NRCAM: variants seen among roughly 807,000 people sequenced by gnomAD.
NRCAM encodes NgCAM-related cell adhesion molecule.
A neutral mutation model predicts 156.5 loss-of-function variants in NRCAM; 83 were observed. The ratio of observed to expected loss-of-function variants is 0.53; its 90% CI spans 0.44 to 0.64. NRCAM has a LOEUF of 0.64. NRCAM is among the 30% of genes least tolerant of loss of function. The pLI is 0.00. For missense variants in NRCAM, 1,417 were observed against 1,597.3 expected, an observed-to-expected ratio of 0.89 and a Z score of 1.92; for synonymous variants, 538 against 563.9, an observed-to-expected ratio of 0.95 and a Z score of 0.65.
chr7:108,168,139 T>C lies in NRCAM; in HGVS notation c.3313+138A>G, dbSNP rs962172815. 2.1e-5 allele frequency: 19 copies of C among 925,690 alleles called. No individual in the cohort carries two copies. The African/African-American group carries it at 2.4e-4, about 12-fold the overall frequency. The allele number at this position is 925,690 out of a possible 1,614,324, so 57.3% of individuals were successfully genotyped here. A position where few individuals can be genotyped will look rare whatever the true frequency, so the allele number is the denominator to read the frequency against. On this transcript the variant is annotated intron_variant, in intron 29 of 32. Coordinates refer to ENST00000379028, the MANE Select transcript of NRCAM (RefSeq NM_001037132.4). The stretch of plus-strand genomic sequence containing the variant: ...GTGGTAGGCTGATGGTTCACTATAA[T>C]TTTTTTAGATAACTCATTCATTTAA...
chr7:108,207,677 A>G lies in NRCAM; in HGVS notation c.1076-18T>C. 3.8e-6 allele frequency: 6 copies of G among 1,581,682 alleles called. No homozygotes were observed. Among genetic ancestry groups the G allele is most frequent in the Non-Finnish European group, 5.1e-6 (6 of 1,167,780 alleles). On this transcript the variant is annotated intron_variant, in intron 12 of 32. Coordinates refer to ENST00000379028, the MANE Select transcript of NRCAM (RefSeq NM_001037132.4). ...TGGAGCCGCTTTATAGGAGGAAGAA[A>G]AAAGACCAAAAATCTGAATCAAATA...
At chr7:108,251,277 T>C (rs1041044766) in intron 3 of NRCAM, among the ~76,000 whole-genome samples, 9 of 152,238 alleles carry the variant, frequency 5.9e-5, no homozygotes, top group Non-Finnish European at 1.0e-4. Flanking sequence ...TTCCAAGTTA[T>C]GTTGTGTTTA....
Position 108,288,154 on chromosome 7 carries a change from CAT to C in NRCAM, c.-107+24509_-107+24510del, listed in dbSNP as rs532308935. The stretch of plus-strand genomic sequence containing the variant: ...ACTGAAAACAGAAAGTCAAACACCA[CAT>C]GTTCTTACTTTCAAGTAGGAGCTAA... On this transcript the variant is annotated intron_variant, in intron 3 of 32. Transcript: ENST00000379028. Among the ~76,000 whole-genome samples, 26 of 152,216 alleles carry C rather than the reference CAT, an allele frequency of 1.7e-4. No homozygotes were observed. In the East Asian group the frequency reaches 5.0e-3, roughly 29 times the overall value.
Position 108,160,374 on chromosome 7 carries a change from A to C in NRCAM, c.3585T>G (p.Gly1195=). 6.2e-7 allele frequency: 1 copy of C among 1,613,190 alleles called. No individual in the cohort carries two copies. The highest frequency in any genetic ancestry group is 8.5e-7 in the Non-Finnish European group (1 of 1,179,412). Residue 1195 remains glycine (G), a synonymous_variant, in exon 31 of 33, where the codon GGT becomes GGG. Coordinates refer to ENST00000379028, the MANE Select transcript of NRCAM (RefSeq NM_001037132.4). ...TTTCTTTCTTACCTGGATATTTACC[A>C]CCCTTGTTTCTTCTGATGAAGCAAA... The part of the protein sequence containing the change: ...LIVCFIRRNK[G]GKYPVKEKED...
chr7:108,347,565 T>A (rs1331117539), intron 2 of NRCAM, among the ~76,000 whole-genome samples: 1 of 152,132 alleles, frequency 6.6e-6, no homozygotes, highest in Non-Finnish European at 1.5e-5. Context: ...ATGAGAACCA[T>A]CCCCTGAGGA....
At chr7:108,301,071 A>G (rs1446704621) in intron 3 of NRCAM, among the ~76,000 whole-genome samples, 1 of 152,228 alleles carries the variant, frequency 6.6e-6, no homozygotes, top group African/African-American at 2.4e-5. Flanking sequence ...ATTATGTAAT[A>G]CCAAAAAACA....
chr7:108,432,763 G>T (rs867932676), intron 1 of NRCAM, among the ~76,000 whole-genome samples: 2 of 152,094 alleles, frequency 1.3e-5, no homozygotes, highest in Non-Finnish European at 2.9e-5. Context: ...TCAGCCAAGT[G>T]TGGTGGTACG....
At chr7:108,176,939 A>G (rs770231406) in intron 26 of NRCAM, among the ~76,000 whole-genome samples, 147 of 152,126 alleles carry the variant, frequency 9.7e-4, no homozygotes, top group Non-Finnish European at 1.1e-3. Flanking sequence ...AATAACCCCA[A>G]ACATTTTTCT....
intron 13 of NRCAM, among the ~76,000 whole-genome samples, chr7:108,198,551 A>C: frequency 6.6e-6 from 1 of 152,178 alleles, no homozygotes; most frequent in East Asian, 1.9e-4. Context: ...TTACAAATTC[A>C]GGAAAACATT....
intron 3 of NRCAM, among the ~76,000 whole-genome samples, chr7:108,240,761 T>C (rs6970096): frequency 0.4 from 61,305 of 151,928 alleles, 13,342 homozygotes; most frequent in African/African-American, 0.56. Flanking sequence ...ACAAGGCCTT[T>C]TCTGGTTAAA....
At chr7:108,343,541 G>A (rs113786634) in intron 2 of NRCAM, among the ~76,000 whole-genome samples, 6 of 152,288 alleles carry the variant, frequency 3.9e-5, no homozygotes, top group African/African-American at 1.4e-4. Context: ...CCCCTAGTAT[G>A]TGGTAATCCC....
intron 29 of NRCAM, among the ~76,000 whole-genome samples, chr7:108,167,545 C>T (rs12531903): frequency 0.2 from 30,782 of 152,082 alleles, 5,946 homozygotes; most frequent in African/African-American, 0.51. Context: ...TCCCAAGTAC[C>T]GGTTTTTCTA....
chr7:108,433,775 C>A (rs1828714822), intron 1 of NRCAM, among the ~76,000 whole-genome samples: 1 of 152,194 alleles, frequency 6.6e-6, no homozygotes, highest in African/African-American at 2.4e-5. Flanking sequence ...CAGCACCAAG[C>A]TTCTTGTATA....
chr7:108,284,969 C>A (rs775830077), intron 3 of NRCAM, among the ~76,000 whole-genome samples: 8 of 152,208 alleles, frequency 5.3e-5, no homozygotes, highest in Non-Finnish European at 1.0e-4. Flanking sequence ...TTCACCTACT[C>A]CTTGAATGAC....
intron 2 of NRCAM, among the ~76,000 whole-genome samples, chr7:108,394,156 G>A (rs548258191): frequency 6.6e-6 from 1 of 152,300 alleles, no homozygotes; most frequent in South Asian, 2.1e-4. Flanking sequence ...ATAATCTTGG[G>A]TGAGGCAGCT....
At chr7:108,363,677 C>A (rs191616657) in intron 2 of NRCAM, among the ~76,000 whole-genome samples, 2 of 152,230 alleles carry the variant, frequency 1.3e-5, no homozygotes, top group South Asian at 2.1e-4. Flanking sequence ...GTGATCAAGG[C>A]CAACATCAAC....
At chr7:108,438,230 G>T (rs1296770202) in intron 1 of NRCAM, among the ~76,000 whole-genome samples, 1 of 151,956 alleles carries the variant, frequency 6.6e-6, no homozygotes, top group Non-Finnish European at 1.5e-5. Context: ...TATAAGACCA[G>T]AAAACTACAT....
At position 108,277,771 on chromosome 7, in the gene NRCAM, G is replaced by A. The variant is rs534316343; in HGVS notation, c.-107+34894C>T. On this transcript the variant is annotated intron_variant, in intron 3 of 32. Transcript: ENST00000379028. ...TCAAACTCATTCTCTATCCAGTTTT[G>A]TTCCCTTGCTGGTAAGGAGTTATGT... Among the ~76,000 whole-genome samples, 4 of 152,224 alleles carry A rather than the reference G, an allele frequency of 2.6e-5. No individual in the cohort carries two copies. The South Asian group carries it at 8.3e-4, about 32-fold the overall frequency.
intron 1 of NRCAM, among the ~76,000 whole-genome samples, chr7:108,452,656 C>T (rs1463363976): frequency 1.3e-5 from 2 of 152,188 alleles, no homozygotes; most frequent in Admixed American, 1.3e-4. Flanking sequence ...CAAATCACTT[C>T]CTCTTCATCA....
Sources: gnomAD v4.1 joint callset for allele counts (sites outside exome capture counted in the v4.1 genomes callset) on GRCh38, gnomAD v4.1.1 for gene constraint, MANE v1.5 for transcripts, NCBI Gene and HGNC (gene_info 2026-07-23, HGNC 2026-07-21) for gene names.